GGA3: variants seen among roughly 807,000 people sequenced by gnomAD.
GGA3 encodes the protein ADP-ribosylation factor-binding protein GGA3.
Under a neutral mutation model 77.5 loss-of-function variants are expected in GGA3, and 57 were observed. That is an observed-to-expected ratio of 0.74 (90% CI 0.59 to 0.92). GGA3 has a LOEUF of 0.92. GGA3 is among the 40% of genes least tolerant of loss of function. GGA3 has a pLI of 0.00. For missense variants in GGA3, 970 were observed against 914.9 expected (o/e 1.06, Z -0.78); for synonymous variants, 416 against 383.7 (o/e 1.08, Z -0.98).
In GGA3 at chr17:75,238,365, G is replaced by C; in HGVS notation, c.2086C>G (p.Leu696Val). The C allele has an allele frequency of 1.2e-6, 2 of 1,613,822 alleles. No homozygotes were observed. The highest frequency in any genetic ancestry group is 2.2e-5 in the South Asian group (2 of 91,080). The change falls in exon 17 of 17, where the codon CTG becomes GTG. Residue 696 changes from leucine to valine, a missense_variant. By Grantham distance (32) the Leu-to-Val change is conservative. Coordinates refer to ENST00000537686, the MANE Select transcript of GGA3 (RefSeq NM_138619.4). ...LKEKVRLRYK[L>V]TFALGEQLST... ...AGCTGCTCCCCCAGGGCGAAGGTCAGCTTATACCGAAGCCGCACCTTCTCC... is the reference window on the plus strand; with the variant it reads ...AGCTGCTCCCCCAGGGCGAAGGTCACCTTATACCGAAGCCGCACCTTCTCC...
Position 75,237,201 on chromosome 17 carries a change from A to C in GGA3, c.*1078T>G. Reference sequence around the variant, plus strand: ...GCAATAGGGTCTGGTGACTCAGCTCAAGTGTGGCCCGATCTCATCACCTCC... The same window carrying C: ...GCAATAGGGTCTGGTGACTCAGCTCCAGTGTGGCCCGATCTCATCACCTCC... On this transcript the variant is annotated 3_prime_UTR_variant, in exon 17 of 17. Coordinates refer to ENST00000537686, the MANE Select transcript of GGA3 (RefSeq NM_138619.4). 2 of 557,560 alleles carry C rather than the reference A, an allele frequency of 3.6e-6. No individual in the cohort carries two copies. The highest frequency in any genetic ancestry group is 4.3e-5 in the South Asian group (2 of 46,342). 34.5% of individuals were successfully genotyped at this position (557,560 alleles called of 1,614,324 possible). A position where few individuals can be genotyped will look rare whatever the true frequency, so the allele number is the denominator to read the frequency against.
chr17:75,245,780 A>G (rs2076735041), intron 3 of GGA3, among the ~76,000 whole-genome samples: 2 of 151,660 alleles, frequency 1.3e-5, no homozygotes, highest in South Asian at 4.1e-4. Flanking sequence ...CCTAGGCCCC[A>G]CAGGGTGCTG....
intron 8 of GGA3, chr17:75,242,079 A>G (rs2076579059): frequency 1.7e-6 from 1 of 575,040 alleles, no homozygotes; most frequent in Admixed American, 3.0e-5. Flanking sequence ...AGGGGTGAGC[A>G]CCGAGAGTGT....
rs546464951 is a variant in GGA3 at position 75,240,984 on chromosome 17, G to A, written c.1020C>T (p.Ser340=). 6.8e-6 allele frequency: 11 copies of A among 1,614,094 alleles called. No homozygotes were observed. The highest frequency in any genetic ancestry group is 3.3e-5 in the Admixed American group (2 of 60,032). ...GTGGAGTAGGTGCTGGGGCCAACACGGAGGACAAACTGTTGGTCGTGTCCA... is the reference window on the plus strand; with the variant it reads ...GTGGAGTAGGTGCTGGGGCCAACACAGAGGACAAACTGTTGGTCGTGTCCA... The part of the protein sequence containing the change: ...AELDTTNSLS[S]VLAPAPTPPS... Residue 340 remains serine (S), a synonymous_variant, in exon 11 of 17, where the codon TCC becomes TCT. Coordinates refer to ENST00000537686, the MANE Select transcript of GGA3 (RefSeq NM_138619.4).
At chr17:75,240,314 A>G in intron 12 of GGA3, 28 bp downstream of exon 12, 6 of 1,488,120 alleles carry the variant, frequency 4.0e-6, no homozygotes, top group Non-Finnish European at 5.6e-6. Flanking sequence ...TTGGCACAGT[A>G]GTGCTGTCAC....
chr17:75,237,897 GAC>G lies in GGA3; in HGVS notation c.*380_*381del. ...GTGGCTCTTGTGGGGAATGACCCAT[GAC>G]AGTCTCTCTTTAGAGACTCCCACCC... On this transcript the variant is annotated 3_prime_UTR_variant, in exon 17 of 17. Coordinates refer to ENST00000537686, the MANE Select transcript of GGA3 (RefSeq NM_138619.4). The G allele has an allele frequency of 1.5e-6, 2 of 1,365,422 alleles. No homozygotes were observed. Among genetic ancestry groups the G allele is most frequent in the Non-Finnish European group, 1.9e-6 (2 of 1,062,654 alleles). 84.6% of individuals were successfully genotyped at this position (1,365,422 alleles called of 1,614,324 possible). A position where few individuals can be genotyped will look rare whatever the true frequency, so the allele number is the denominator to read the frequency against.
intron 1 of GGA3, among the ~76,000 whole-genome samples, chr17:75,250,736 T>G (rs1234872501): frequency 7.7e-6 from 1 of 130,088 alleles, no homozygotes; most frequent in African/African-American, 3.1e-5. Context: ...CACTCCAGCC[T>G]GGGCAACAGA....
rs1174198774 is a variant in GGA3, at chr17:75,237,250, G to A, written c.*1029C>T. The stretch of plus-strand genomic sequence containing the variant: ...CCAGACCCAACATCTCGCTGACAGT[G>A]CCCCTCAGTAGCTGGGGAACAGTTG... On this transcript the variant is annotated 3_prime_UTR_variant, in exon 17 of 17. Transcript: ENST00000537686. 1.7e-6 allele frequency: 1 copy of A among 600,858 alleles called. No homozygotes were observed. Among genetic ancestry groups the A allele is most frequent in the East Asian group, 2.8e-5 (1 of 36,132 alleles). The allele number at this position is 600,858 out of a possible 1,614,324, so 37.2% of individuals were successfully genotyped here.
intron 1 of GGA3, 40 bp downstream of exon 1, chr17:75,261,508 A>T: frequency 6.8e-7 from 1 of 1,473,088 alleles, no homozygotes; most frequent in South Asian, 1.4e-5. Context: ...GGGGCAGCCC[A>T]GCGGCTCGAG....
At position 75,239,782 on chromosome 17, in the gene GGA3, T is replaced by G. The variant is rs1250622502; in HGVS notation, c.1583+7A>C. The G allele has an allele frequency of 1.2e-6, 2 of 1,613,014 alleles. No individual in the cohort carries two copies. Among genetic ancestry groups the G allele is most frequent in the South Asian group, 2.2e-5 (2 of 91,084 alleles). The stretch of plus-strand genomic sequence containing the variant: ...TCAGCAACCCCACATCTCCTCCCAC[T>G]CATTACACTTTGGCCTCTTCTAGAA... On this transcript the variant is annotated splice_region_variant and intron_variant, in intron 13 of 16. Coordinates refer to ENST00000537686, the MANE Select transcript of GGA3 (RefSeq NM_138619.4).
rs1191043943 is a variant in GGA3 at position 75,238,746 on chromosome 17, A to G, written c.1967T>C (p.Leu656Ser). The stretch of plus-strand genomic sequence containing the variant: ...GAGTTCTGTCCCAGAAGGTGGCTGC[A>G]ACTTCACTTTCATTGACTAAAGAGA... Reference protein sequence around the residue: ...AAVPKSMKVKLQPPSGTELSP... With the variant: ...AAVPKSMKVKSQPPSGTELSP... The change falls in exon 16 of 17, where the codon TTG becomes TCG. Residue 656 changes from leucine to serine, a missense_variant. Leu to Ser is a moderately radical substitution (Grantham distance 145). Transcript: ENST00000537686. 1 of 1,613,474 alleles carries G rather than the reference A, an allele frequency of 6.2e-7. No individual in the cohort carries two copies. The highest frequency in any genetic ancestry group is 8.5e-7 in the Non-Finnish European group (1 of 1,179,610).
chr17:75,241,118 G>A, intron 10 of GGA3, 61 bp from the exon 11 acceptor site: 2 of 1,589,940 alleles, frequency 1.3e-6, no homozygotes, highest in South Asian at 2.2e-5. Context: ...CTGTGTGGCA[G>A]GAGGCAGCAC....
chr17:75,238,198 GGA>G lies in GGA3; in HGVS notation c.*79_*80del, dbSNP rs1023237586. On this transcript the variant is annotated 3_prime_UTR_variant, in exon 17 of 17. Coordinates refer to ENST00000537686, the MANE Select transcript of GGA3 (RefSeq NM_138619.4). Reference sequence around the variant, plus strand: ...GCTACAAGCACTGTTGTCAGGGCATGGAGAGTGACGGGACCAGAGCCCTCCTC... The same window carrying G: ...GCTACAAGCACTGTTGTCAGGGCATGGAGTGACGGGACCAGAGCCCTCCTC... The G allele has an allele frequency of 1.4e-4, 211 of 1,560,476 alleles. 2 individuals are homozygous for G. The highest frequency in any genetic ancestry group is 1.2e-5 in the Non-Finnish European group (14 of 1,152,084).
upstream of GGA3, chr17:75,262,300 A>C (rs751334995): frequency 5.8e-6 from 4 of 691,010 alleles, no homozygotes; most frequent in Non-Finnish European, 9.9e-6. Flanking sequence ...CTTGACCAGG[A>C]GGAGACTTTA....
At chr17:75,241,256 A>G in intron 10 of GGA3, 144 bp downstream of exon 10, 1 of 777,640 alleles carries the variant, frequency 1.3e-6, no homozygotes, top group Non-Finnish European at 2.2e-6. Flanking sequence ...GCCTCCGGGA[A>G]GCCGGAGGAT....
chr17:75,253,076 C>T (rs964882087), intron 1 of GGA3, among the ~76,000 whole-genome samples: 5 of 152,156 alleles, frequency 3.3e-5, no homozygotes, highest in African/African-American at 4.8e-5. Flanking sequence ...ACTCGGATCG[C>T]GGGACCTCCC....
At position 75,237,091 on chromosome 17, in the gene GGA3, A is replaced by T; in HGVS notation, c.*1188T>A. ...GGCAGCTGGTGATTTTTTTTTTGTG[A>T]CGGAGGCTTGGAGTACATGTCCCAG... On this transcript the variant is annotated 3_prime_UTR_variant, in exon 17 of 17. Transcript: ENST00000537686. The T allele has an allele frequency of 4.3e-6, 1 of 232,762 alleles. No individual in the cohort carries two copies. Among genetic ancestry groups the T allele is most frequent in the Non-Finnish European group, 8.4e-6 (1 of 118,490 alleles). The allele number at this position is 232,762 out of a possible 1,614,324, so 14.4% of individuals were successfully genotyped here.
intron 1 of GGA3, among the ~76,000 whole-genome samples, chr17:75,258,019 T>TAACAA (rs1325545750): frequency 2.0e-5 from 3 of 152,316 alleles, no homozygotes; most frequent in Admixed American, 2.0e-4. Flanking sequence ...CTGATCAATG[T>TAACAA]ACTTTGTAAT....
chr17:75,238,786 A>G, intron 15 of GGA3, 24 bp from the exon 16 acceptor site: 1 of 1,595,026 alleles, frequency 6.3e-7, no homozygotes. Flanking sequence ...AACTCCTTTG[A>G]AGAGAACTGG....
Sources: gnomAD v4.1 joint callset for allele counts (sites outside exome capture counted in the v4.1 genomes callset) on GRCh38, gnomAD v4.1.1 for gene constraint, MANE v1.5 for transcripts, NCBI Gene and HGNC (gene_info 2026-07-23, HGNC 2026-07-21) for gene names.